Variants in DZIP3 observed in about 807,000 individuals in gnomAD.
The protein encoded by DZIP3 is DAZ interacting zinc finger protein 3.
A neutral mutation model predicts 162.0 loss-of-function variants in DZIP3; 118 were observed. That is an observed-to-expected ratio of 0.73 (90% CI 0.63 to 0.85). The LOEUF (loss-of-function observed/expected upper bound fraction) is 0.85. Among genes scored for constraint, DZIP3 ranks in the 40% least tolerant of loss-of-function variants. The pLI is 0.00. For missense variants in DZIP3, 1,331 were observed against 1,407.0 expected (o/e 0.95, Z 0.86); for synonymous variants, 438 against 458.6 (o/e 0.96, Z 0.57).
At position 108,642,485 on chromosome 3, in the gene DZIP3, C is replaced by A. The variant is rs867437951; in HGVS notation, c.1112C>A (p.Pro371Gln). ...SLKITDTDIR[P>Q]KISLKFNTKD... ...AAAATAACTGATACTGATATAAGAC[C>A]GAAGATCAGTTTAAAATTTAATACA... The change falls in exon 13 of 33, where the codon CCG (proline) becomes CAG (glutamine). Residue 371 changes from proline (P) to glutamine (Q), a missense_variant. This residue lies in a region of DZIP3 where 1,278 missense variants were observed against 1,317.1 expected (regional missense o/e 0.97). Coordinates refer to ENST00000361582, the MANE Select transcript of DZIP3 (RefSeq NM_014648.4). The A allele has an allele frequency of 6.8e-7, 1 of 1,479,198 alleles. No homozygotes were observed. The highest frequency in any genetic ancestry group is 1.2e-5 in the South Asian group (1 of 80,200). The allele number at this position is 1,479,198 out of a possible 1,614,324, so 91.6% of individuals were successfully genotyped here.
intron 29 of DZIP3, 116 bp from the exon 30 acceptor site, chr3:108,688,477 A>G (rs1944573968): frequency 8.4e-7 from 1 of 1,190,342 alleles, no homozygotes; most frequent in South Asian, 1.6e-5. Context: ...ATTTCTCACA[A>G]ATCTGATTAT....
chr3:108,635,045 C>T (rs1328707743), intron 10 of DZIP3, 73 bp downstream of exon 10: 12 of 893,190 alleles, frequency 1.3e-5, no homozygotes, highest in Middle Eastern at 2.3e-4. Context: ...TCTTCCCCAT[C>T]GTTTCTTCCT....
chr3:108,687,776 A>C (rs73850578), intron 28 of DZIP3, among the ~76,000 whole-genome samples, 200 bp from the exon 29 acceptor site: 1 of 152,308 alleles, frequency 6.6e-6, no homozygotes, highest in African/African-American at 2.4e-5. Flanking sequence ...ATTAATGAAC[A>C]CAATTAGGAG....
At chr3:108,655,319 T>C (rs546548455) in intron 19 of DZIP3, among the ~76,000 whole-genome samples, 8 of 151,960 alleles carry the variant, frequency 5.3e-5, no homozygotes, top group African/African-American at 1.9e-4. Flanking sequence ...GATGATACAG[T>C]GTAATTAAGT....
intron 23 of DZIP3, among the ~76,000 whole-genome samples, 195 bp from the exon 24 acceptor site, chr3:108,673,883 T>C (rs1576456143): frequency 6.6e-6 from 1 of 152,072 alleles, no homozygotes; most frequent in Middle Eastern, 3.4e-3. Context: ...TAGTAACCAT[T>C]AAATAAGGAA....
chr3:108,693,273 C>T (rs965959003), intron 32 of DZIP3, 87 bp from the exon 33 acceptor site: 4 of 150,966 alleles, frequency 2.6e-5, no homozygotes, highest in Non-Finnish European at 4.4e-5. Flanking sequence ...AATTTATGTT[C>T]CTTCTAACTT....
intron 10 of DZIP3, among the ~76,000 whole-genome samples, chr3:108,635,585 ATAAC>A (rs1321529332): frequency 1.1e-3 from 163 of 147,140 alleles, no homozygotes; most frequent in Admixed American, 2.7e-3. Flanking sequence ...ATAATTATAT[ATAAC>A]TAACTACATA....
chr3:108,622,484 G>C (rs1403950317), intron 5 of DZIP3, among the ~76,000 whole-genome samples: 1 of 152,040 alleles, frequency 6.6e-6, no homozygotes, highest in Non-Finnish European at 1.5e-5. Context: ...GCCTTTTTTG[G>C]TTTGGTAAAG....
At chr3:108,679,646 A>G (rs1944233560) in intron 26 of DZIP3, among the ~76,000 whole-genome samples, 1 of 152,130 alleles carries the variant, frequency 6.6e-6, no homozygotes, top group South Asian at 2.1e-4. Flanking sequence ...GGTACCTACA[A>G]TGGAAGTACA....
chr3:108,675,903 T>C (rs1430047619), intron 25 of DZIP3, 30 bp downstream of exon 25: 1 of 1,586,778 alleles, frequency 6.3e-7, no homozygotes, highest in Non-Finnish European at 8.6e-7. Context: ...TGGAGAAAAT[T>C]GGCTTAATGT....
Position 108,654,130 on chromosome 3 carries a change from A to C in DZIP3, c.2034-15A>C, listed in dbSNP as rs1353652903. The C allele has an allele frequency of 1.2e-6, 2 of 1,610,756 alleles. No individual in the cohort carries two copies. The highest frequency in any genetic ancestry group is 2.2e-5 in the East Asian group (1 of 44,792). On this transcript the variant is annotated splice_polypyrimidine_tract_variant and intron_variant, in intron 18 of 32. Coordinates refer to ENST00000361582, the MANE Select transcript of DZIP3 (RefSeq NM_014648.4). The stretch of plus-strand genomic sequence containing the variant: ...ACAATTGTAAAAGCTCACATTGATT[A>C]TGTCACGACTACAGCCCATATGTGG...
intron 23 of DZIP3, among the ~76,000 whole-genome samples, chr3:108,673,213 A>G (rs1943988221): frequency 6.6e-6 from 1 of 151,920 alleles, no homozygotes; most frequent in African/African-American, 2.4e-5. Context: ...TTTTGGAGAG[A>G]TCACTGACAT....
intron 11 of DZIP3, among the ~76,000 whole-genome samples, chr3:108,637,220 TATTTC>T (rs1182263267): frequency 2.6e-5 from 4 of 151,988 alleles, no homozygotes; most frequent in African/African-American, 9.6e-5. Flanking sequence ...AAATGTATCT[TATTTC>T]TTTATTGTAA....
chr3:108,638,724 T>G (rs1285616747), intron 12 of DZIP3, among the ~76,000 whole-genome samples: 1 of 152,158 alleles, frequency 6.6e-6, no homozygotes, highest in Non-Finnish European at 1.5e-5. Context: ...CTCAAACAGC[T>G]TCTTAAAACT....
chr3:108,645,781 T>C (rs1390897067), intron 14 of DZIP3, among the ~76,000 whole-genome samples: 1 of 152,202 alleles, frequency 6.6e-6, no homozygotes, highest in Non-Finnish European at 1.5e-5. Context: ...TGGAATACCT[T>C]TGTTTTCTTG....
rs1944425438 is a variant in DZIP3, at chr3:108,684,336, C to T, written c.3004C>T (p.Pro1002Ser). Reference protein sequence around the residue: ...VVSATGQPRAPLMTGIAWALP... With the variant: ...VVSATGQPRASLMTGIAWALP... ...CTCTGCAACTGGCCAACCTAGAGCC[C>T]CCCTGGTAAAAGCTTTCTTGGTGGA... Residue 1002 changes from proline to serine, a missense_variant, in exon 27 of 33, where the codon CCC becomes TCC. Coordinates refer to ENST00000361582, the MANE Select transcript of DZIP3 (RefSeq NM_014648.4). 2.5e-6 allele frequency: 4 copies of T among 1,608,458 alleles called. No individual in the cohort carries two copies. The East Asian group carries it at 8.9e-5, about 36-fold the overall frequency.
At chr3:108,633,585 A>G (rs1941984215) in intron 9 of DZIP3, among the ~76,000 whole-genome samples, 1 of 151,324 alleles carries the variant, frequency 6.6e-6, no homozygotes, top group Non-Finnish European at 1.5e-5. Flanking sequence ...CTCTCTCTGG[A>G]TCTATCAGAA....
intron 14 of DZIP3, among the ~76,000 whole-genome samples, chr3:108,646,358 G>A (rs1576410682): frequency 6.6e-6 from 1 of 152,130 alleles, no homozygotes; most frequent in African/African-American, 2.4e-5. Flanking sequence ...TTGGTTTAAA[G>A]TGCTTGTGTT....
intron 1 of DZIP3, among the ~76,000 whole-genome samples, chr3:108,600,146 T>A (rs1268614923): frequency 5.3e-5 from 8 of 151,978 alleles, no homozygotes; most frequent in African/African-American, 1.9e-4. Flanking sequence ...CTTTGAGGAG[T>A]TTTTTGGAAT....
Sources: gnomAD v4.1 joint callset for allele counts (sites outside exome capture counted in the v4.1 genomes callset) on GRCh38, gnomAD v4.1.1 for gene constraint, gnomAD v4.1.1 regional missense constraint, MANE v1.5 for transcripts, NCBI Gene and HGNC (gene_info 2026-07-23, HGNC 2026-07-21) for gene names.